TRPM8: variants seen among roughly 807,000 people sequenced by gnomAD.
TRPM8 encodes transient receptor potential cation channel subfamily M member 8.
A neutral mutation model predicts 133.7 loss-of-function variants in TRPM8; 110 were observed. The ratio of observed to expected loss-of-function variants is 0.82; its 90% CI spans 0.70 to 0.96. The LOEUF (loss-of-function observed/expected upper bound fraction) is 0.96, where lower values mean the gene tolerates loss of function less well. Ranked by LOEUF, TRPM8 falls within the 40% of genes least tolerant of loss-of-function variation. The pLI is 0.00. For synonymous variants in TRPM8, 535 were observed against 532.3 expected (o/e 1.01, Z -0.07); for missense variants, 1,291 against 1,379.5 (o/e 0.94, Z 1.02).
At chr2:233,919,956 T>C (rs1691375383) in intron 1 of TRPM8, among the ~76,000 whole-genome samples, 1 of 152,202 alleles carries the variant, frequency 6.6e-6, no homozygotes, top group African/African-American at 2.4e-5. Context: ...TTATTGCACT[T>C]TAAGGACAAG....
At chr2:233,998,623 C>T (rs556212292) in intron 22 of TRPM8, among the ~76,000 whole-genome samples, 39 of 145,336 alleles carry the variant, frequency 2.7e-4, no homozygotes, top group South Asian at 6.8e-4. Flanking sequence ...TAGAGTGAGC[C>T]GCTTGTGCCC....
intron 1 of TRPM8, among the ~76,000 whole-genome samples, chr2:233,924,774 A>T (rs1455877540): frequency 6.6e-6 from 1 of 152,258 alleles, no homozygotes; most frequent in Non-Finnish European, 1.5e-5. Flanking sequence ...AAGGCAAATG[A>T]AGTCACTTCC....
intron 21 of TRPM8, among the ~76,000 whole-genome samples, chr2:233,991,776 G>A (rs1202812788): frequency 6.6e-6 from 1 of 152,112 alleles, no homozygotes; most frequent in Non-Finnish European, 1.5e-5. Flanking sequence ...TCTAACATCT[G>A]TTGTACAAGT....
chr2:233,985,885 T>C lies in TRPM8; in HGVS notation c.2939+20T>C. On this transcript the variant is annotated intron_variant, in intron 21 of 25. Coordinates refer to ENST00000324695, the MANE Select transcript of TRPM8 (RefSeq NM_024080.5). ...GTTTGGGTATGTGTTCAGTCACATGTTCACTGATGTCCACCCTGGGCCAAG... is the reference window on the plus strand; with the variant it reads ...GTTTGGGTATGTGTTCAGTCACATGCTCACTGATGTCCACCCTGGGCCAAG... The C allele has an allele frequency of 6.3e-7, 1 of 1,596,788 alleles. No individual in the cohort carries two copies. The highest frequency in any genetic ancestry group is 8.5e-7 in the Non-Finnish European group (1 of 1,170,278).
chr2:233,972,106 G>C (rs921533133), intron 17 of TRPM8, among the ~76,000 whole-genome samples: 2 of 152,168 alleles, frequency 1.3e-5, no homozygotes, highest in Non-Finnish European at 2.9e-5. Context: ...CACAAACCCT[G>C]AGCTAGACAC....
intron 24 of TRPM8, among the ~76,000 whole-genome samples, chr2:234,009,239 G>A (rs574482185): frequency 6.6e-6 from 1 of 152,350 alleles, no homozygotes; most frequent in East Asian, 1.9e-4. Context: ...GGAGTTAGAT[G>A]CGCTGGGAAC....
intron 2 of TRPM8, 85 bp from the exon 3 acceptor site, chr2:233,930,583 G>A: frequency 1.2e-6 from 1 of 851,356 alleles, no homozygotes; most frequent in South Asian, 2.0e-5. Context: ...TTTGAAGTGG[G>A]GTTACATCAT....
At chr2:233,984,612 C>T (rs1342521389) in intron 20 of TRPM8, among the ~76,000 whole-genome samples, 5 of 152,134 alleles carry the variant, frequency 3.3e-5, no homozygotes, top group Non-Finnish European at 5.9e-5. Flanking sequence ...ACTGCCGCCC[C>T]GTGAGCCATC....
Position 234,002,180 on chromosome 2 carries a change from A to G in TRPM8, c.3131-4673A>G, listed in dbSNP as rs76158003. Among the ~76,000 whole-genome samples, 853 of 152,074 alleles carry G rather than the reference A, an allele frequency of 5.6e-3. 8 individuals carry two copies. The highest frequency in any genetic ancestry group is 7.0e-3 in the Non-Finnish European group (475 of 67,990). On this transcript the variant is annotated intron_variant, in intron 22 of 25. Coordinates refer to ENST00000324695, the MANE Select transcript of TRPM8 (RefSeq NM_024080.5). ...CCCAGAAGATGAATTGGAATTAGCC[A>G]AGCAAAGAGGCAGAGGCTGAAATGG...
intron 8 of TRPM8, among the ~76,000 whole-genome samples, chr2:233,949,072 T>C (rs146120731): frequency 7.2e-4 from 109 of 152,188 alleles, no homozygotes; most frequent in African/African-American, 2.6e-3. Context: ...AAATACCCAG[T>C]TGGTGCCTCT....
chr2:233,987,513 C>T (rs1012095319), intron 21 of TRPM8, among the ~76,000 whole-genome samples: 1 of 152,212 alleles, frequency 6.6e-6, no homozygotes, highest in Non-Finnish European at 1.5e-5. Flanking sequence ...CTGAGCAGGG[C>T]TGTGTGGAAG....
intron 10 of TRPM8, 120 bp from the exon 11 acceptor site, chr2:233,955,012 G>GT: frequency 1.4e-6 from 1 of 704,046 alleles, no homozygotes; most frequent in Non-Finnish European, 2.5e-6. Context: ...GTGTCTGAAT[G>GT]TAAGAGAACA....
intron 17 of TRPM8, among the ~76,000 whole-genome samples, chr2:233,972,799 C>T (rs1461903133): frequency 6.6e-6 from 1 of 152,204 alleles, no homozygotes. Context: ...CCCGGAACTC[C>T]ATCTGGCCCG....
At chr2:233,939,842 C>A (rs1179591086) in intron 5 of TRPM8, among the ~76,000 whole-genome samples, 1 of 152,176 alleles carries the variant, frequency 6.6e-6, no homozygotes, top group Non-Finnish European at 1.5e-5. Context: ...AATCATGATC[C>A]TTAACCCCCT....
At chr2:233,942,464 G>A in intron 5 of TRPM8, 112 bp from the exon 6 acceptor site, 1 of 1,008,564 alleles carries the variant, frequency 9.9e-7, no homozygotes, top group South Asian at 1.4e-5. Flanking sequence ...AGCTGCCAGT[G>A]CTGTGTCCTG....
At chr2:233,976,535 G>A (rs1414854150) in intron 17 of TRPM8, among the ~76,000 whole-genome samples, 1 of 152,216 alleles carries the variant, frequency 6.6e-6, no homozygotes, top group South Asian at 2.1e-4. Context: ...AATTCCCAGG[G>A]GCTGCGGGAG....
Position 234,017,708 on chromosome 2 carries a change from G to A in TRPM8, c.*452G>A, listed in dbSNP as rs1692990726. 6.2e-6 allele frequency: 1 copy of A among 162,294 alleles called. No homozygotes were observed. The highest frequency in any genetic ancestry group is 1.7e-4 in the South Asian group (1 of 6,060). 10.1% of individuals were successfully genotyped at this position (162,294 alleles called of 1,614,324 possible). On this transcript the variant is annotated 3_prime_UTR_variant, in exon 26 of 26. Coordinates refer to ENST00000324695, the MANE Select transcript of TRPM8 (RefSeq NM_024080.5). ...TCTACTTTTCCCTTTTTTGTATTAT[G>A]TGACTAATTAGTTGGCATATTGTTA... is the stretch of plus-strand genomic sequence containing the variant.
At chr2:233,980,111 A>T in intron 17 of TRPM8, 77 bp from the exon 18 acceptor site, 1 of 973,818 alleles carries the variant, frequency 1.0e-6, no homozygotes, top group African/African-American at 1.7e-5. Flanking sequence ...GAAGAAAATG[A>T]GTGGACATTT....
chr2:233,941,810 T>G (rs1411596912), intron 5 of TRPM8, among the ~76,000 whole-genome samples: 1 of 152,142 alleles, frequency 6.6e-6, no homozygotes, highest in Non-Finnish European at 1.5e-5. Context: ...AAAAGGCCAG[T>G]GTACAAAATT....
Sources: gnomAD v4.1 joint callset for allele counts (sites outside exome capture counted in the v4.1 genomes callset) on GRCh38, gnomAD v4.1.1 for gene constraint, MANE v1.5 for transcripts, NCBI Gene and HGNC (gene_info 2026-07-23, HGNC 2026-07-21) for gene names.